Variants in CCDC91 observed in about 807,000 individuals in gnomAD.
The protein encoded by CCDC91 is coiled-coil domain containing 91.
CCDC91 carries 48 observed loss-of-function variants against 63.2 expected under a neutral mutation model. The observed-to-expected ratio is 0.76, with a 90% confidence interval of 0.60 to 0.97. CCDC91 has a LOEUF of 0.97. Ranked by LOEUF, CCDC91 falls within the 50% of genes least tolerant of loss-of-function variation. The pLI, the probability that CCDC91 is intolerant of heterozygous loss-of-function variation, is 0.00. For missense variants in CCDC91, 500 were observed against 494.6 expected, an observed-to-expected ratio of 1.01 and a Z score of -0.10; for synonymous variants, 167 against 165.8, an observed-to-expected ratio of 1.01 and a Z score of -0.06.
chr12:28,442,167 TTAC>T (rs1329329724), intron 8 of CCDC91, among the ~76,000 whole-genome samples: 2 of 152,098 alleles, frequency 1.3e-5, no homozygotes, highest in African/African-American at 4.8e-5. Context: ...AAAAGAGGAA[TTAC>T]TACTGCCTGT....
At chr12:28,265,102 G>A (rs1947100346) in intron 3 of CCDC91, among the ~76,000 whole-genome samples, 1 of 152,006 alleles carries the variant, frequency 6.6e-6, no homozygotes, top group African/African-American at 2.4e-5. Flanking sequence ...AATGTGGGTG[G>A]TGCTGTTTTA....
chr12:28,518,069 A>G (rs1940153626), intron 12 of CCDC91, among the ~76,000 whole-genome samples: 2 of 151,894 alleles, frequency 1.3e-5, no homozygotes, highest in South Asian at 4.1e-4. Flanking sequence ...ACCTTTTTGC[A>G]ATTGTGAATT....
intron 3 of CCDC91, among the ~76,000 whole-genome samples, chr12:28,294,648 G>T (rs953552220): frequency 6.6e-6 from 1 of 152,002 alleles, no homozygotes; most frequent in Non-Finnish European, 1.5e-5. Context: ...GCAGTGGCAC[G>T]ATTTCGGCTC....
chr12:28,195,674 C>T (rs1331509463), intron 1 of CCDC91, among the ~76,000 whole-genome samples: 3 of 152,170 alleles, frequency 2.0e-5, no homozygotes, highest in African/African-American at 7.2e-5. Context: ...AGTTCTTTTT[C>T]TTTCCATGTA....
At chr12:28,218,356 G>A (rs1031006751) in intron 1 of CCDC91, among the ~76,000 whole-genome samples, 6 of 151,772 alleles carry the variant, frequency 4.0e-5, no homozygotes, top group South Asian at 2.1e-4. Flanking sequence ...TAGAAAGCTC[G>A]TTTTCATTAC....
intron 1 of CCDC91, 130 bp from the exon 2 acceptor site, chr12:28,257,072 T>C (rs1293794289): frequency 1.9e-6 from 1 of 536,128 alleles, no homozygotes; most frequent in Non-Finnish European, 3.3e-6. Context: ...AATTCTTTTT[T>C]GCATAAAAAA....
intron 11 of CCDC91, among the ~76,000 whole-genome samples, chr12:28,475,158 T>C (rs1165784358): frequency 1.3e-5 from 2 of 152,136 alleles, no homozygotes; most frequent in Non-Finnish European, 2.9e-5. Flanking sequence ...TAAAATTTTA[T>C]TCAAGAGAAT....
At chr12:28,210,332 A>C (rs1287054424) in intron 1 of CCDC91, among the ~76,000 whole-genome samples, 1 of 152,214 alleles carries the variant, frequency 6.6e-6, no homozygotes, top group Non-Finnish European at 1.5e-5. Context: ...ACTAAAAGGC[A>C]TTACAGTTTT....
chr12:28,514,724 G>A (rs1178565505), intron 12 of CCDC91, among the ~76,000 whole-genome samples: 3 of 151,838 alleles, frequency 2.0e-5, no homozygotes, highest in Non-Finnish European at 4.4e-5. Context: ...AGTTATCCTA[G>A]CACCATTTAT....
chr12:28,202,124 C>A (rs994248790), intron 1 of CCDC91, among the ~76,000 whole-genome samples: 1 of 140,282 alleles, frequency 7.1e-6, no homozygotes, highest in Non-Finnish European at 1.6e-5. Context: ...ATCTCTATCT[C>A]TTCATTAATA....
At chr12:28,421,431 G>A (rs1948002175) in intron 8 of CCDC91, among the ~76,000 whole-genome samples, 1 of 151,830 alleles carries the variant, frequency 6.6e-6, no homozygotes, top group Non-Finnish European at 1.5e-5. Context: ...TCAGTGTTTA[G>A]CTCCCACTTA....
chr12:28,425,125 G>T (rs760557161), intron 8 of CCDC91, among the ~76,000 whole-genome samples: 1 of 151,884 alleles, frequency 6.6e-6, no homozygotes. Context: ...TACTCTCCCC[G>T]CACCAGACTT....
chr12:28,257,897 A>G (rs1309205248), intron 2 of CCDC91, among the ~76,000 whole-genome samples: 16 of 151,408 alleles, frequency 1.1e-4, no homozygotes, highest in Non-Finnish European at 2.1e-4. Context: ...GCCTGAGCTC[A>G]AGTCCTGGAA....
intron 8 of CCDC91, among the ~76,000 whole-genome samples, chr12:28,408,723 A>T (rs1400740986): frequency 6.6e-6 from 1 of 151,724 alleles, no homozygotes; most frequent in Non-Finnish European, 1.5e-5. Flanking sequence ...GCTCACTGCA[A>T]CCTCTGCCTC....
At chr12:28,408,336 A>G (rs942236861) in intron 8 of CCDC91, among the ~76,000 whole-genome samples, 2 of 152,178 alleles carry the variant, frequency 1.3e-5, no homozygotes, top group Non-Finnish European at 2.9e-5. Flanking sequence ...ACGGCTGCAT[A>G]GTATTCCATA....
intron 1 of CCDC91, among the ~76,000 whole-genome samples, chr12:28,244,827 G>A (rs11049478): frequency 0.2 from 30,756 of 150,136 alleles, 4,122 homozygotes; most frequent in Non-Finnish European, 0.3. Context: ...CTGAGATTGC[G>A]CCATTGCACT....
chr12:28,480,914 G>A (rs764985006), intron 11 of CCDC91, among the ~76,000 whole-genome samples: 4 of 151,974 alleles, frequency 2.6e-5, no homozygotes, highest in Non-Finnish European at 5.9e-5. Context: ...TTACTGAAAT[G>A]TATAGTAGAT....
chr12:28,298,752 AC>A (rs958901273), intron 3 of CCDC91, among the ~76,000 whole-genome samples: 14 of 147,472 alleles, frequency 9.5e-5, no homozygotes, highest in African/African-American at 3.5e-4. Flanking sequence ...AACAACAACA[AC>A]AAAAAATTGT....
intron 11 of CCDC91, among the ~76,000 whole-genome samples, chr12:28,482,950 G>A (rs1592806549): frequency 6.6e-6 from 1 of 151,884 alleles, no homozygotes; most frequent in South Asian, 2.1e-4. Context: ...AATATGTAAT[G>A]TCTCCAGAAA....
Sources: allele counts gnomAD v4.1 joint callset (sites outside exome capture counted in the v4.1 genomes callset), GRCh38; gene constraint gnomAD v4.1.1; transcripts MANE v1.5; gene names NCBI Gene and HGNC (gene_info 2026-07-23, HGNC 2026-07-21).